GAS7: variants seen among roughly 807,000 people sequenced by gnomAD.
GAS7 encodes growth arrest-specific protein 7.
GAS7 carries 28 observed loss-of-function variants against 71.1 expected under a neutral mutation model. The ratio of observed to expected loss-of-function variants is 0.39; its 90% CI spans 0.29 to 0.54. The LOEUF is 0.54. GAS7 is among the 20% of genes least tolerant of loss of function. GAS7 has a pLI of 0.62. For synonymous variants in GAS7, 258 were observed against 245.8 expected, an observed-to-expected ratio of 1.05 and a Z score of -0.46; for missense variants, 436 against 627.8, an observed-to-expected ratio of 0.69 and a Z score of 3.27.
At chr17:9,927,291 A>ACG (rs1491384280) in intron 9 of GAS7, among the ~76,000 whole-genome samples, 1 of 9,914 alleles carries the variant, frequency 1.0e-4, no homozygotes, top group Non-Finnish European at 2.8e-4. Flanking sequence ...TCTACTACAT[A>ACG]CACACACACA....
chr17:10,145,193 C>T (rs1184622293), intron 1 of GAS7, among the ~76,000 whole-genome samples: 3 of 152,246 alleles, frequency 2.0e-5, no homozygotes, highest in Non-Finnish European at 4.4e-5. Context: ...CAGCCAGCAG[C>T]ACCGGGGCAG....
chr17:9,928,033 C>T (rs2068073210), intron 9 of GAS7, among the ~76,000 whole-genome samples: 1 of 152,158 alleles, frequency 6.6e-6, no homozygotes. Context: ...CCCTCTTTCC[C>T]ATCCCACCCC....
chr17:9,989,795 C>T (rs1259720874), intron 2 of GAS7, among the ~76,000 whole-genome samples: 1 of 152,162 alleles, frequency 6.6e-6, no homozygotes, highest in African/African-American at 2.4e-5. Context: ...AAATTACCCC[C>T]AATTTAACAG....
In GAS7 at chr17:9,969,992, G is replaced by T. The variant is rs921915571; in HGVS notation, c.386-230C>A. ...AATTACTGAATTCTTAGGGGACTGA[G>T]TTTCTTTTTTAACCCGAGAGCAAAA... On this transcript the variant is annotated intron_variant, in intron 3 of 13. Coordinates refer to ENST00000432992, the MANE Select transcript of GAS7 (RefSeq NM_201433.2). The surrounding 1 kb of genome is among the most constrained non-coding windows in gnomAD (Gnocchi z 5.5). Among the ~76,000 whole-genome samples the T allele has an allele frequency of 6.6e-6, 1 of 152,194 alleles. No homozygotes were observed. The highest frequency in any genetic ancestry group is 6.5e-5 in the Admixed American group (1 of 15,284).
Position 9,911,982 on chromosome 17 carries a change from G to C in GAS7, c.*5246C>G. ...ACCATCCAGTGGGGTGCAGGTACAG[G>C]CCAGGCTGTGTGATCACCAGCTAGG... On this transcript the variant is annotated 3_prime_UTR_variant, in exon 14 of 14. Transcript: ENST00000432992. The surrounding 1 kb of genome is among the most constrained non-coding windows in gnomAD (Gnocchi z 4.0). 2 of 232,060 alleles carry C rather than the reference G, an allele frequency of 8.6e-6. No individual in the cohort carries two copies. The highest frequency in any genetic ancestry group is 1.2e-4 in the East Asian group (2 of 16,424). The allele number at this position is 232,060 out of a possible 1,614,324, so 14.4% of individuals were successfully genotyped here.
rs117093354 is a variant in GAS7, at chr17:10,021,160, T to C, written c.184-1263A>G. On this transcript the variant is annotated intron_variant, in intron 1 of 13. Coordinates refer to ENST00000432992, the MANE Select transcript of GAS7 (RefSeq NM_201433.2). ...TTGATTAAAATCAGAATTGTAGCCA[T>C]ACGAAGAGAGTAGCCATGAATTTCT... 3.5e-3 allele frequency among the ~76,000 whole-genome samples: 535 copies of C among 152,302 alleles called. 2 individuals are homozygous for C. The highest frequency in any genetic ancestry group is 5.2e-3 in the Non-Finnish European group (357 of 68,022).
At position 10,126,770 on chromosome 17, in the gene GAS7, G is replaced by A. The variant is rs1268613587; in HGVS notation, c.183+71438C>T. ...CAGTCCCAGCGTGGGGCACGGGGAA[G>A]AGACTATGCTCCGGAACCAAGCCGG... On this transcript the variant is annotated intron_variant, in intron 1 of 13. Transcript: ENST00000432992. Among the ~76,000 whole-genome samples the A allele has an allele frequency of 1.8e-4, 28 of 152,266 alleles. 1 individual carries two copies. The highest frequency in any genetic ancestry group is 1.8e-3 in the Admixed American group (27 of 15,288).
intron 2 of GAS7, among the ~76,000 whole-genome samples, chr17:9,983,606 G>C: frequency 6.6e-6 from 1 of 151,978 alleles, no homozygotes; most frequent in Admixed American, 6.6e-5. Context: ...GACCAACATG[G>C]TGAAACCCGA....
chr17:10,000,204 C>A (rs2071216595), intron 2 of GAS7, among the ~76,000 whole-genome samples: 1 of 152,114 alleles, frequency 6.6e-6, no homozygotes, highest in Non-Finnish European at 1.5e-5. Context: ...GGGTCTCACC[C>A]CTAGAGTTTC....
At chr17:10,013,955 T>C (rs2071890206) in intron 2 of GAS7, among the ~76,000 whole-genome samples, 1 of 152,186 alleles carries the variant, frequency 6.6e-6, no homozygotes, top group South Asian at 2.1e-4. Context: ...GGCCACCCTC[T>C]GTGGCTGGGC....
chr17:9,985,838 G>A (rs546525268), intron 2 of GAS7, among the ~76,000 whole-genome samples: 11 of 152,174 alleles, frequency 7.2e-5, no homozygotes, highest in South Asian at 2.1e-4. Context: ...CGGCGCTGCC[G>A]AGGCCTCCTT....
chr17:10,015,105 A>C (rs2152197217), intron 2 of GAS7, among the ~76,000 whole-genome samples: 1 of 152,142 alleles, frequency 6.6e-6, no homozygotes, highest in Admixed American at 6.5e-5. Flanking sequence ...CAGTGAGCCG[A>C]GATCGCACCA....
At chr17:9,980,688 A>G (rs1268333599) in intron 3 of GAS7, among the ~76,000 whole-genome samples, 2 of 152,200 alleles carry the variant, frequency 1.3e-5, no homozygotes, top group Non-Finnish European at 2.9e-5. Flanking sequence ...CGGACTGAGG[A>G]TATCACAAAA....
At chr17:10,159,097 T>TA (rs2074230873) in intron 1 of GAS7, among the ~76,000 whole-genome samples, 240 of 111,442 alleles carry the variant, frequency 2.2e-3, no homozygotes, top group Non-Finnish European at 2.3e-3. Context: ...TATATATATA[T>TA]TAAAGATAAC....
At position 9,917,329 on chromosome 17, in the gene GAS7, C is replaced by T. The variant is rs1487812028; in HGVS notation, c.1330G>A (p.Val444Met). ...TCCACTTTTCGAAGCAGCTGATCCA[C>T]GGGCTCGACTGTCTGCAAGAGACAG... is the stretch of plus-strand genomic sequence containing the variant. ...DMFNQSTVEPVDQLLRKVDPA... is the reference protein window; with the variant it reads ...DMFNQSTVEPMDQLLRKVDPA... Residue 444 changes from valine to methionine, a missense_variant, in exon 14 of 14, where the codon GTG becomes ATG. Coordinates refer to ENST00000432992, the MANE Select transcript of GAS7 (RefSeq NM_201433.2). 1.1e-5 allele frequency: 17 copies of T among 1,612,728 alleles called. No homozygotes were observed. The highest frequency in any genetic ancestry group is 3.3e-5 in the South Asian group (3 of 91,058).
rs182309713 is a variant in GAS7, at chr17:9,959,660, A to T, written c.472-405T>A. Among the ~76,000 whole-genome samples the T allele has an allele frequency of 6.4e-4, 98 of 152,288 alleles. No individual in the cohort carries two copies. The highest frequency in any genetic ancestry group is 2.2e-3 in the African/African-American group (92 of 41,568). Reference sequence around the variant, plus strand: ...GGCCACCACCTCCTGGCACTGAGGAATCAGCACACGACATTTTATTCTGAA... The same window carrying T: ...GGCCACCACCTCCTGGCACTGAGGATTCAGCACACGACATTTTATTCTGAA... On this transcript the variant is annotated intron_variant, in intron 4 of 13. Transcript: ENST00000432992. This position sits in a 1 kb window ranked among gnomAD's most constrained non-coding sequence, Gnocchi z 5.0.
At chr17:10,179,157 C>T (rs894353952) in intron 1 of GAS7, among the ~76,000 whole-genome samples, 2 of 151,970 alleles carry the variant, frequency 1.3e-5, no homozygotes, top group South Asian at 2.1e-4. Context: ...TGGAGAAACT[C>T]GGTCTCTACT....
intron 5 of GAS7, among the ~76,000 whole-genome samples, chr17:9,953,868 A>G (rs2069117452): frequency 6.6e-6 from 1 of 152,202 alleles, no homozygotes; most frequent in African/African-American, 2.4e-5. Context: ...TGTTGGGTAC[A>G]TAGTGGGTGC....
chr17:9,958,896 C>A, intron 5 of GAS7: 1 of 1,068,848 alleles, frequency 9.4e-7, no homozygotes, highest in Non-Finnish European at 1.2e-6. Context: ...GCACAGTCCA[C>A]CCCCTTCAAC....
Sources: gnomAD v4.1 joint callset for allele counts (sites outside exome capture counted in the v4.1 genomes callset) on GRCh38, gnomAD v4.1.1 for gene constraint, Gnocchi (gnomAD v3.1) non-coding constraint, MANE v1.5 for transcripts, NCBI Gene and HGNC (gene_info 2026-07-23, HGNC 2026-07-21) for gene names.